CCR5AS: variants seen among roughly 807,000 people sequenced by gnomAD.
CCR5AS encodes CCR5 antisense RNA.
intron 1 of CCR5AS, among the ~76,000 whole-genome samples, chr3:46,405,635 C>G (rs976643220): frequency 7.2e-5 from 11 of 151,910 alleles, no homozygotes; most frequent in Non-Finnish European, 1.5e-4. Flanking sequence ...CCATGACCCC[C>G]ACTCACTCAC....
chr3:46,365,268 C>A lies in CCR5AS; in HGVS notation n.566-223G>T, dbSNP rs562434819. Among the ~76,000 whole-genome samples, 4 of 152,252 alleles carry A rather than the reference C, an allele frequency of 2.6e-5. No individual in the cohort carries two copies. In the South Asian group the frequency reaches 8.3e-4, roughly 32 times the overall value. ...TTATTTTAAGAAATTGCCACAGCCA[C>A]CCCCAGCTTTAGCAACCACCACCCT... On this transcript the variant is annotated intron_variant and non_coding_transcript_variant, in intron 3 of 3. Coordinates refer to ENST00000451485, the Ensembl canonical transcript of CCR5AS.
intron 2 of CCR5AS, among the ~76,000 whole-genome samples, chr3:46,384,959 G>A (rs1701847328): frequency 6.6e-6 from 1 of 152,176 alleles, no homozygotes; most frequent in South Asian, 2.1e-4. Context: ...GTGTCTGGCT[G>A]CGTGCATGCA....
intron 2 of CCR5AS, chr3:46,373,227 T>C (rs971864402): frequency 1.9e-5 from 30 of 1,613,996 alleles, no homozygotes; most frequent in African/African-American, 2.7e-5. Flanking sequence ...AGGGCTCTAT[T>C]TTATAGGCTT....
intron 2 of CCR5AS, among the ~76,000 whole-genome samples, chr3:46,387,834 TA>T (rs1221431572): frequency 1.3e-5 from 2 of 152,028 alleles, no homozygotes; most frequent in African/African-American, 4.8e-5. Flanking sequence ...TTTGTGTAGG[TA>T]GTGGAAAATT....
chr3:46,406,278 A>G (rs1702046001), intron 1 of CCR5AS, among the ~76,000 whole-genome samples: 1 of 152,176 alleles, frequency 6.6e-6, no homozygotes, highest in Non-Finnish European at 1.5e-5. Flanking sequence ...TAATCAATAT[A>G]TAAATTCTAA....
chr3:46,373,878 A>G (rs1701713751), intron 2 of CCR5AS: 1 of 1,612,740 alleles, frequency 6.2e-7, no homozygotes, highest in Non-Finnish European at 8.5e-7. Context: ...ATGCTGTTCT[A>G]TTTTCCAGCA....
chr3:46,406,357 C>G (rs1340418826), intron 1 of CCR5AS, among the ~76,000 whole-genome samples: 1 of 151,998 alleles, frequency 6.6e-6, no homozygotes, highest in Non-Finnish European at 1.5e-5. Context: ...AGAAGCTCAT[C>G]TAGATTTTTT....
intron 1 of CCR5AS, among the ~76,000 whole-genome samples, chr3:46,399,258 G>A (rs1239781068): frequency 2.6e-5 from 4 of 152,126 alleles, no homozygotes; most frequent in Non-Finnish European, 5.9e-5. Context: ...GGGAGATCCT[G>A]GACACTTCCT....
intron 1 of CCR5AS, among the ~76,000 whole-genome samples, chr3:46,401,314 G>A (rs1702004247): frequency 6.6e-6 from 1 of 152,240 alleles, no homozygotes; most frequent in Admixed American, 6.5e-5. Flanking sequence ...CAAGACTCTA[G>A]AAAATGATGC....
At chr3:46,400,462 G>A (rs1456449098) in intron 1 of CCR5AS, among the ~76,000 whole-genome samples, 1 of 152,242 alleles carries the variant, frequency 6.6e-6, no homozygotes, top group African/African-American at 2.4e-5. Flanking sequence ...GGGGCTGATA[G>A]TCAGAGGCTG....
At chr3:46,384,960 C>T (rs770405865) in intron 2 of CCR5AS, among the ~76,000 whole-genome samples, 7 of 152,102 alleles carry the variant, frequency 4.6e-5, no homozygotes, top group South Asian at 2.1e-4. Context: ...TGTCTGGCTG[C>T]GTGCATGCAT....
chr3:46,387,811 C>T (rs541520761), intron 2 of CCR5AS, among the ~76,000 whole-genome samples: 1 of 152,056 alleles, frequency 6.6e-6, no homozygotes, highest in South Asian at 2.1e-4. Flanking sequence ...AGGGATGGGG[C>T]GGTTTTATAG....
intron 1 of CCR5AS, among the ~76,000 whole-genome samples, chr3:46,406,506 T>G (rs962658034): frequency 5.3e-5 from 8 of 151,812 alleles, no homozygotes; most frequent in Non-Finnish European, 1.0e-4. Context: ...AATTTCCTTC[T>G]CTCTGGACTC....
chr3:46,380,505 G>A (rs1553655206), intron 2 of CCR5AS, among the ~76,000 whole-genome samples: 1 of 152,242 alleles, frequency 6.6e-6, no homozygotes, highest in Non-Finnish European at 1.5e-5. Flanking sequence ...CAAAAAGGTT[G>A]TTGAGGACCA....
intron 2 of CCR5AS, among the ~76,000 whole-genome samples, chr3:46,376,989 G>A (rs554133396): frequency 8.9e-4 from 136 of 152,282 alleles, no homozygotes; most frequent in Non-Finnish European, 1.4e-3. Context: ...CCTTTCATCT[G>A]TTAGGGTAAA....
intron 2 of CCR5AS, among the ~76,000 whole-genome samples, chr3:46,390,960 G>GT (rs1407401802): frequency 1.3e-5 from 2 of 152,244 alleles, no homozygotes; most frequent in African/African-American, 4.8e-5. Flanking sequence ...ACCCTCCACT[G>GT]TAAGAGTTAC....
At chr3:46,403,209 C>T (rs896495930) in intron 1 of CCR5AS, among the ~76,000 whole-genome samples, 2 of 152,168 alleles carry the variant, frequency 1.3e-5, no homozygotes, top group Non-Finnish European at 2.9e-5. Flanking sequence ...CATTCACATG[C>T]GTGTGTCTTC....
intron 1 of CCR5AS, among the ~76,000 whole-genome samples, chr3:46,394,672 G>A (rs1701945229): frequency 6.6e-6 from 1 of 152,164 alleles, no homozygotes; most frequent in Admixed American, 6.5e-5. Context: ...GAATGGGGTG[G>A]GGTCTCTCAC....
At chr3:46,369,824 C>T (rs528203079) in intron 3 of CCR5AS, among the ~76,000 whole-genome samples, 1 of 152,296 alleles carries the variant, frequency 6.6e-6, no homozygotes, top group South Asian at 2.1e-4. Flanking sequence ...AGTCTGACTA[C>T]AGAGGCCACT....
Sources: gnomAD v4.1 joint callset for allele counts (sites outside exome capture counted in the v4.1 genomes callset) on GRCh38, gnomAD v4.1.1 for gene constraint, MANE v1.5 for transcripts, NCBI Gene and HGNC (gene_info 2026-07-23, HGNC 2026-07-21) for gene names.